The following AAGAB variants were observed in gnomAD, a reference collection of about 807,000 sequenced individuals.
The protein encoded by AAGAB is alpha and gamma adaptin binding protein.
A neutral mutation model predicts 44.1 loss-of-function variants in AAGAB; 38 were observed. That is an observed-to-expected ratio of 0.86 (90% CI 0.67 to 1.13). The LOEUF is 1.13. Among genes scored for constraint, AAGAB ranks in the 50% most tolerant of loss-of-function variants. The probability of loss-of-function intolerance (pLI) is 0.00; values close to 1 mark genes in which losing one functional copy is unlikely to be tolerated. For synonymous variants in AAGAB, 131 were observed against 131.8 expected (o/e 0.99, Z 0.04); for missense variants, 450 against 373.8 (o/e 1.20, Z -1.68).
chr15:67,202,646 GAAAA>G lies in AAGAB; in HGVS notation c.*171_*174del. The G allele has an allele frequency of 1.6e-6, 1 of 606,446 alleles. No individual in the cohort carries two copies. The highest frequency in any genetic ancestry group is 2.7e-5 in the East Asian group (1 of 36,500). 37.6% of individuals were successfully genotyped at this position (606,446 alleles called of 1,614,324 possible). A position where few individuals can be genotyped will look rare whatever the true frequency, so the allele number is the denominator to read the frequency against. ...CCTCACTCTCTTACAATATACTGAG[GAAAA>G]AAAAGATTTCTCCTTAACCTCCTAC... On this transcript the variant is annotated 3_prime_UTR_variant, in exon 10 of 10. Transcript: ENST00000261880.
rs369410834 is a variant in AAGAB, at chr15:67,204,116, C to G, written c.748G>C (p.Ala250Pro). 33 of 1,611,104 alleles carry G rather than the reference C, an allele frequency of 2.0e-5. No individual in the cohort carries two copies. Among genetic ancestry groups the G allele is most frequent in the Non-Finnish European group, 2.6e-5 (31 of 1,177,750 alleles). Residue 250 changes from alanine to proline, a missense_variant, in exon 8 of 10, where the codon GCC becomes CCC. Physicochemically the swap from Ala to Pro is conservative, Grantham distance 27. Transcript: ENST00000261880. The stretch of plus-strand genomic sequence containing the variant: ...TCTCCTCCTCCAGTGGTAAGACTGG[C>G]TAATTCTTGAATATCCAGATCTAAC... ...PMLDLDIQEL[A>P]SLTTGGGDVE... is the part of the protein sequence containing the mutation.
chr15:67,254,968 G>GGCCCTGCCCT (rs755260706), upstream of AAGAB: 1 of 1,608,976 alleles, frequency 6.2e-7, no homozygotes, highest in Non-Finnish European at 8.5e-7. Context: ...GGCTTCCCCC[G>GGCCCTGCCCT]GCCCTGCCCT....
At chr15:67,210,810 T>C (rs1963800770) in intron 5 of AAGAB, among the ~76,000 whole-genome samples, 1 of 152,036 alleles carries the variant, frequency 6.6e-6, no homozygotes, top group Non-Finnish European at 1.5e-5. Context: ...TCCAGGAGGG[T>C]CTTATGAACA....
Position 67,231,691 on chromosome 15 carries a change from C to G in AAGAB, c.535+123G>C. 4 of 760,336 alleles carry G rather than the reference C, an allele frequency of 5.3e-6. No homozygotes were observed. In the South Asian group the frequency reaches 5.3e-5, roughly 10 times the overall value. The allele number at this position is 760,336 out of a possible 1,614,324, so 47.1% of individuals were successfully genotyped here. ...TACTTTTGGCGCTTCCTTCAATCAG[C>G]GAACTGAAATTGGAACAAATCTACA... On this transcript the variant is annotated intron_variant, in intron 5 of 9. Transcript: ENST00000261880.
At position 67,254,560 on chromosome 15, in the gene AAGAB, T is replaced by C; in HGVS notation, c.72A>G (p.Gln24=). 2.5e-6 allele frequency: 4 copies of C among 1,607,804 alleles called. No individual in the cohort carries two copies. The highest frequency in any genetic ancestry group is 3.4e-6 in the Non-Finnish European group (4 of 1,178,058). ...SSVFSGDQLV[Q]HILGTEDLIV... ...CGGCCCAGGCGCCTATCTACTCACG[T>C]TGGACCAGCTGGTCTCCTGAGAAGA... Residue 24 remains glutamine, a splice_region_variant and synonymous_variant, in exon 1 of 10, where the codon CAA becomes CAG. Coordinates refer to ENST00000261880, the MANE Select transcript of AAGAB (RefSeq NM_024666.5).
chr15:67,227,196 C>G (rs1275887975), intron 5 of AAGAB, among the ~76,000 whole-genome samples: 2 of 152,110 alleles, frequency 1.3e-5, no homozygotes, highest in African/African-American at 4.8e-5. Context: ...CCCAAATAAT[C>G]AACTGGCATT....
intron 5 of AAGAB, among the ~76,000 whole-genome samples, chr15:67,222,668 A>C (rs1207128042): frequency 6.6e-6 from 1 of 151,806 alleles, no homozygotes; most frequent in Non-Finnish European, 1.5e-5. Flanking sequence ...CATCCCTTCT[A>C]CCTACTCAAG....
intron 4 of AAGAB, among the ~76,000 whole-genome samples, chr15:67,235,673 CCTT>C (rs1282037023): frequency 6.6e-6 from 1 of 152,154 alleles, no homozygotes; most frequent in Non-Finnish European, 1.5e-5. Context: ...GTCTAACTCT[CCTT>C]CTTCAGCAGT....
chr15:67,235,979 C>G lies in AAGAB; in HGVS notation c.451G>C (p.Asp151His), dbSNP rs779506233. The G allele has an allele frequency of 1.1e-5, 17 of 1,599,762 alleles. No individual in the cohort carries two copies. The highest frequency in any genetic ancestry group is 1.5e-5 in the Non-Finnish European group (17 of 1,169,472). Reference sequence around the variant, plus strand: ...TTTCTCCTAACACATAAACACTTACCATCCTCCTCAGGCAACTCCTCTGGA... The same window carrying G: ...TTTCTCCTAACACATAAACACTTACGATCCTCCTCAGGCAACTCCTCTGGA... ...LSPEELPEED[D>H]DFPESTGVKR... The change falls in exon 4 of 10, where the codon GAT becomes CAT. Residue 151 changes from aspartate to histidine, a missense_variant and splice_region_variant. Physicochemically the swap from Asp to His is moderately conservative, Grantham distance 81 (BLOSUM62 -1). Coordinates refer to ENST00000261880, the MANE Select transcript of AAGAB (RefSeq NM_024666.5).
chr15:67,254,734 A>G (rs572038348), upstream of AAGAB: 158 of 1,379,392 alleles, frequency 1.1e-4, 2 homozygotes, highest in East Asian at 3.3e-3. Flanking sequence ...GCGTTCTCGG[A>G]ATGACCAGGC....
chr15:67,209,777 T>A lies in AAGAB; in HGVS notation c.536-233A>T, dbSNP rs2140346664. Among the ~76,000 whole-genome samples, 3 of 152,262 alleles carry A rather than the reference T, an allele frequency of 2.0e-5. No homozygotes were observed. The South Asian group carries it at 6.2e-4, about 32-fold the overall frequency. ...AAGTGATCCTCCTTCCTCAGCCTCC[T>A]GAGTAGGTGGGAATACAGGTGCCTG... On this transcript the variant is annotated intron_variant, in intron 5 of 9. Coordinates refer to ENST00000261880, the MANE Select transcript of AAGAB (RefSeq NM_024666.5).
rs370192203 is a variant in AAGAB, at chr15:67,236,816, G to C, written c.78C>G (p.Ile26Met). Residue 26 changes from isoleucine to methionine, a missense_variant, in exon 2 of 10, where the codon ATC (isoleucine) becomes ATG (methionine). By Grantham distance (10) the Ile-to-Met change is conservative (BLOSUM62 1). Coordinates refer to ENST00000261880, the MANE Select transcript of AAGAB (RefSeq NM_024666.5). The stretch of plus-strand genomic sequence containing the variant: ...CCACAATAAGATCTTCTGTTCCAAG[G>C]ATATCTAAAAATAAATGACAACATT... The part of the protein sequence containing the change: ...VFSGDQLVQH[I>M]LGTEDLIVEV... 1.0e-5 allele frequency: 16 copies of C among 1,600,016 alleles called. No homozygotes were observed. In the African/African-American group the frequency reaches 1.5e-4, roughly 15 times the overall value.
Position 67,201,475 on chromosome 15 carries a change from G to A in AAGAB, c.*1346C>T, listed in dbSNP as rs1963569549. The A allele has an allele frequency of 6.6e-6, 1 of 152,344 alleles. No homozygotes were observed. Among genetic ancestry groups the A allele is most frequent in the Non-Finnish European group, 1.5e-5 (1 of 68,126 alleles). The allele number at this position is 152,344 out of a possible 1,614,324, so 9.4% of individuals were successfully genotyped here. On this transcript the variant is annotated 3_prime_UTR_variant, in exon 10 of 10. Coordinates refer to ENST00000261880, the MANE Select transcript of AAGAB (RefSeq NM_024666.5). The stretch of plus-strand genomic sequence containing the variant: ...CAGTGCTTATAAGGTAGTGTCTGGA[G>A]GGGTGTGAGCCTTATTTCTTTCTGC...
At chr15:67,242,696 T>C (rs1472980871) in intron 1 of AAGAB, 1 of 152,216 alleles carries the variant, frequency 6.6e-6, no homozygotes, top group Non-Finnish European at 1.5e-5. Context: ...TACAGACAAA[T>C]GTCAGGAAAC....
intron 1 of AAGAB, among the ~76,000 whole-genome samples, chr15:67,253,907 TAG>T (rs908443560): frequency 6.6e-6 from 1 of 152,176 alleles, no homozygotes; most frequent in African/African-American, 2.4e-5. Flanking sequence ...AGCCCTTTAG[TAG>T]AGTTGGCTTA....
At chr15:67,222,476 G>C (rs1231434963) in intron 5 of AAGAB, among the ~76,000 whole-genome samples, 1 of 151,776 alleles carries the variant, frequency 6.6e-6, no homozygotes, top group African/African-American at 2.4e-5. Flanking sequence ...CCTCTCAACT[G>C]ACATCCTGGC....
chr15:67,253,537 T>TG (rs1407829651), intron 1 of AAGAB, among the ~76,000 whole-genome samples: 78 of 152,146 alleles, frequency 5.1e-4, no homozygotes, highest in Middle Eastern at 6.8e-3. Flanking sequence ...GAGGATCACT[T>TG]GAAACCACGA....
In AAGAB at chr15:67,209,508, G is replaced by A; in HGVS notation, c.572C>T (p.Thr191Ile). The A allele has an allele frequency of 6.2e-7, 1 of 1,614,156 alleles. No homozygotes were observed. Reference protein sequence around the residue: ...NQGFSLLNSLTGTNHSIGSAD... With the variant: ...NQGFSLLNSLIGTNHSIGSAD... ...TGACCCAATGCTATGGTTTGTTCCAGTCAATGAGTTGAGAAGGCTAAAGCC... is the reference window on the plus strand; with the variant it reads ...TGACCCAATGCTATGGTTTGTTCCAATCAATGAGTTGAGAAGGCTAAAGCC... The change falls in exon 6 of 10, where the codon ACT (threonine) becomes ATT (isoleucine). Residue 191 changes from threonine (T) to isoleucine (I), a missense_variant. Physicochemically the swap from Thr to Ile is moderately conservative, Grantham distance 89 (BLOSUM62 -1). Coordinates refer to ENST00000261880, the MANE Select transcript of AAGAB (RefSeq NM_024666.5).
intron 1 of AAGAB, among the ~76,000 whole-genome samples, chr15:67,248,831 G>T (rs778510117): frequency 2.6e-5 from 4 of 152,122 alleles, no homozygotes; most frequent in African/African-American, 4.8e-5. Flanking sequence ...GAGGACCGGA[G>T]GGTTATTTCT....
Sources: gnomAD v4.1 joint callset for allele counts (sites outside exome capture counted in the v4.1 genomes callset) on GRCh38, gnomAD v4.1.1 for gene constraint, MANE v1.5 for transcripts, NCBI Gene and HGNC (gene_info 2026-07-23, HGNC 2026-07-21) for gene names.